UBR3: variants seen among roughly 807,000 people sequenced by gnomAD.
UBR3 encodes E3 ubiquitin-protein ligase UBR3.
A neutral mutation model predicts 243.2 loss-of-function variants in UBR3; 85 were observed. The ratio of observed to expected loss-of-function variants is 0.35; its 90% CI spans 0.29 to 0.42. UBR3 has a LOEUF of 0.42. Among genes scored for constraint, UBR3 ranks in the 10% least tolerant of loss-of-function variants. The pLI, the probability that UBR3 is intolerant of heterozygous loss-of-function variation, is 1.00. For missense variants in UBR3, 1,686 were observed against 2,300.8 expected, an observed-to-expected ratio of 0.73 and a Z score of 5.47; for synonymous variants, 748 against 799.8, an observed-to-expected ratio of 0.94 and a Z score of 1.09.
intron 14 of UBR3, 87 bp from the exon 15 acceptor site, chr2:169,926,605 A>AAAACAAG: frequency 1.5e-6 from 2 of 1,362,514 alleles, no homozygotes; most frequent in Non-Finnish European, 2.0e-6. Flanking sequence ...CAAAAAACAA[A>AAAACAAG]AAACAAAAAA....
rs114985152 is a variant in UBR3, at chr2:169,872,512, A to G, written c.685+137A>G. On this transcript the variant is annotated intron_variant, in intron 2 of 38. Transcript: ENST00000272793. ...AAAAAGAGATGACTATAAAATACGGATTGAATAGAAACACACTAAAAATTA... is the reference window on the plus strand; with the variant it reads ...AAAAAGAGATGACTATAAAATACGGGTTGAATAGAAACACACTAAAAATTA... 1,346 of 619,734 alleles carry G rather than the reference A, an allele frequency of 2.2e-3. 10 individuals are homozygous for G. The African/African-American group carries it at 0.024, about 11-fold the overall frequency. 38.4% of individuals were successfully genotyped at this position (619,734 alleles called of 1,614,324 possible). A position where few individuals can be genotyped will look rare whatever the true frequency, so the allele number is the denominator to read the frequency against.
intron 10 of UBR3, among the ~76,000 whole-genome samples, chr2:169,908,599 A>G (rs1318592672): frequency 6.6e-6 from 1 of 152,204 alleles, no homozygotes; most frequent in Non-Finnish European, 1.5e-5. Flanking sequence ...AAGTAAACAC[A>G]TCGATTTACT....
intron 5 of UBR3, among the ~76,000 whole-genome samples, chr2:169,881,908 TA>T (rs1559053607): frequency 4.4e-5 from 2 of 45,656 alleles, no homozygotes; most frequent in African/African-American, 8.7e-5. Flanking sequence ...CATATAGGTA[TA>T]TGTATATGTA....
At chr2:169,932,074 T>C (rs1248664167) in intron 18 of UBR3, among the ~76,000 whole-genome samples, 2 of 125,594 alleles carry the variant, frequency 1.6e-5, no homozygotes, top group African/African-American at 6.0e-5. Flanking sequence ...AATAGCTCAT[T>C]AATTTTTTTT....
chr2:169,894,492 A>C (rs1389115104), intron 6 of UBR3, among the ~76,000 whole-genome samples: 1 of 152,088 alleles, frequency 6.6e-6, no homozygotes, highest in East Asian at 1.9e-4. Flanking sequence ...AGAAAATACG[A>C]TATTTTGGTG....
chr2:169,986,691 A>T lies in UBR3; in HGVS notation c.3681A>T (p.Pro1227=). The T allele has an allele frequency of 6.2e-7, 1 of 1,613,888 alleles. No homozygotes were observed. The highest frequency in any genetic ancestry group is 8.5e-7 in the Non-Finnish European group (1 of 1,179,874). ...CTATGGAGATCACCACGGCAGAACC[A>T]CAGGTTTCCGAGGCAGTATATGACT... ...DIPMEITTAE[P]QVSEAVYDCV... is the part of the protein sequence containing the mutation. The change falls in exon 25 of 39, where the codon CCA becomes CCT. Residue 1227 remains proline (P), a synonymous_variant. Transcript: ENST00000272793.
chr2:170,049,454 C>A (rs185511584), intron 32 of UBR3, among the ~76,000 whole-genome samples: 64 of 152,224 alleles, frequency 4.2e-4, no homozygotes, highest in East Asian at 1.9e-3. Context: ...TCAAACCCAT[C>A]TTGTTACATA....
At chr2:169,845,839 C>T (rs1335319535) in intron 1 of UBR3, among the ~76,000 whole-genome samples, 5 of 152,150 alleles carry the variant, frequency 3.3e-5, no homozygotes, top group Admixed American at 6.5e-5. Context: ...CTGCCTCAGC[C>T]TCCCAGAATG....
chr2:169,895,329 T>C lies in UBR3; in HGVS notation c.1236+18T>C, dbSNP rs376557766. On this transcript the variant is annotated intron_variant, in intron 7 of 38. Coordinates refer to ENST00000272793, the MANE Select transcript of UBR3 (RefSeq NM_172070.4). ...AGTATAAGGTATCTATATATTTTCC[T>C]GCTTTTCTGAACTTAGCTTTTCTTT... 4 of 1,522,976 alleles carry C rather than the reference T, an allele frequency of 2.6e-6. No individual in the cohort carries two copies. The highest frequency in any genetic ancestry group is 1.4e-5 in the African/African-American group (1 of 71,162). The allele number at this position is 1,522,976 out of a possible 1,614,324, so 94.3% of individuals were successfully genotyped here.
chr2:169,956,792 G>A (rs1005316673), intron 23 of UBR3, among the ~76,000 whole-genome samples: 4 of 152,114 alleles, frequency 2.6e-5, no homozygotes, highest in African/African-American at 9.7e-5. Flanking sequence ...TCATTCTTCT[G>A]AATTTTGTAT....
rs2091878662 is a variant in UBR3, at chr2:170,079,876, T to C, written c.5262T>C (p.Tyr1754=). The stretch of plus-strand genomic sequence containing the variant: ...ACCTACTACAGTTGCCTGAGAATTA[T>C]AACACCATTTTTCAGTACTACCACA... ...LPHLLQLPEN[Y]NTIFQYYHRK... is the part of the protein sequence containing the mutation. Residue 1754 remains tyrosine (Y), a synonymous_variant, in exon 37 of 39, where the codon TAT becomes TAC. Coordinates refer to ENST00000272793, the MANE Select transcript of UBR3 (RefSeq NM_172070.4). The C allele has an allele frequency of 1.9e-6, 3 of 1,613,968 alleles. No homozygotes were observed. Among genetic ancestry groups the C allele is most frequent in the Non-Finnish European group, 2.5e-6 (3 of 1,179,962 alleles).
intron 1 of UBR3, among the ~76,000 whole-genome samples, chr2:169,829,323 A>G (rs2081850458): frequency 6.6e-6 from 1 of 152,038 alleles, no homozygotes; most frequent in Admixed American, 6.5e-5. Context: ...GAGGAGGGAG[A>G]TGAGGTTTCT....
At chr2:170,039,106 A>T in intron 31 of UBR3, among the ~76,000 whole-genome samples, 1 of 152,168 alleles carries the variant, frequency 6.6e-6, no homozygotes, top group East Asian at 1.9e-4. Context: ...GGAGAATTGG[A>T]ATCTTGAGGA....
intron 5 of UBR3, among the ~76,000 whole-genome samples, chr2:169,880,825 A>C (rs1463127931): frequency 6.6e-6 from 1 of 151,880 alleles, no homozygotes; most frequent in Non-Finnish European, 1.5e-5. Flanking sequence ...ATATTTTCTC[A>C]TTATTTATCT....
At chr2:170,053,679 C>T (rs1244722798) in intron 32 of UBR3, among the ~76,000 whole-genome samples, 1 of 152,142 alleles carries the variant, frequency 6.6e-6, no homozygotes, top group Non-Finnish European at 1.5e-5. Context: ...GAAGTCTAGT[C>T]CAGGGTGTTG....
chr2:170,068,644 G>A (rs1218360795), intron 35 of UBR3, among the ~76,000 whole-genome samples: 1 of 152,098 alleles, frequency 6.6e-6, no homozygotes, highest in Non-Finnish European at 1.5e-5. Flanking sequence ...AGTGAAAACA[G>A]TAGAGAAAAT....
chr2:170,070,437 G>A (rs894180279), intron 35 of UBR3, among the ~76,000 whole-genome samples: 4 of 152,094 alleles, frequency 2.6e-5, no homozygotes, highest in Non-Finnish European at 5.9e-5. Flanking sequence ...ACAAGACAAG[G>A]ATGCCTGCTC....
Position 169,947,590 on chromosome 2 carries a change from A to G in UBR3, c.2959A>G (p.Ser987Gly), listed in dbSNP as rs1220536827. Residue 987 changes from serine to glycine, a missense_variant, in exon 22 of 39, where the codon AGT becomes GGT. Physicochemically the swap from Ser to Gly is moderately conservative, Grantham distance 56. Around this residue, in one of 8 missense-constraint regions of UBR3, gnomAD observed 300 missense variants for 314.4 expected, o/e 0.95. Coordinates refer to ENST00000272793, the MANE Select transcript of UBR3 (RefSeq NM_172070.4). ...ERCHDSWFPG[S>G]NLVSNMRHFI... ...TTGTCATGACAGTTGGTTTCCTGGC[A>G]GTAACTTAGTGTCAAACATGCGACA... 1.3e-6 allele frequency: 2 copies of G among 1,528,588 alleles called. No homozygotes were observed. Among genetic ancestry groups the G allele is most frequent in the Non-Finnish European group, 8.8e-7 (1 of 1,136,474 alleles). The allele number at this position is 1,528,588 out of a possible 1,614,324, so 94.7% of individuals were successfully genotyped here.
At chr2:169,885,540 T>C (rs984690608) in intron 5 of UBR3, among the ~76,000 whole-genome samples, 1 of 151,750 alleles carries the variant, frequency 6.6e-6, no homozygotes, top group Non-Finnish European at 1.5e-5. Context: ...ATTGTGCCAC[T>C]GCACTCCAGC....
Sources: gnomAD v4.1 joint callset for allele counts (sites outside exome capture counted in the v4.1 genomes callset) on GRCh38, gnomAD v4.1.1 for gene constraint, gnomAD v4.1.1 regional missense constraint, MANE v1.5 for transcripts, NCBI Gene and HGNC (gene_info 2026-07-23, HGNC 2026-07-21) for gene names.